The following OPCML variants were observed in gnomAD, a reference collection of about 807,000 sequenced individuals.
The protein encoded by OPCML is opioid binding protein/cell adhesion molecule like, also known as opioid-binding protein/cell adhesion molecule.
A neutral mutation model predicts 37.8 loss-of-function variants in OPCML; 13 were observed. The ratio of observed to expected loss-of-function variants is 0.34; its 90% CI spans 0.22 to 0.55. The LOEUF is 0.55. Ranked by LOEUF, OPCML falls within the 20% of genes least tolerant of loss-of-function variation. The probability of loss-of-function intolerance (pLI) is 0.91; values close to 1 mark genes in which losing one functional copy is unlikely to be tolerated. For synonymous variants in OPCML, 176 were observed against 168.8 expected (o/e 1.04, Z -0.33); for missense variants, 341 against 435.6 (o/e 0.78, Z 1.93).
chr11:132,436,707 G>A lies in OPCML; in HGVS notation c.716C>T (p.Ala239Val), dbSNP rs752741994. 6.2e-7 allele frequency: 1 copy of A among 1,614,056 alleles called. No homozygotes were observed. The highest frequency in any genetic ancestry group is 2.2e-5 in the East Asian group (1 of 44,874). ...GAATTCAGCCATGGGGACTGCAGAG[G>A]CTTCACAGCTCAGGATGCCCTTCTG... ...VGQKGILSCE[A>V]SAVPMAEFQW... Residue 239 changes from alanine (A) to valine (V), a missense_variant, in exon 6 of 8, where the codon GCC (alanine) becomes GTC (valine). Physicochemically the swap from Ala to Val is moderately conservative, Grantham distance 64. Transcript: ENST00000524381.
intron 2 of OPCML, among the ~76,000 whole-genome samples, chr11:132,880,245 A>G (rs1188337661): frequency 6.6e-6 from 1 of 152,000 alleles, no homozygotes; most frequent in Non-Finnish European, 1.5e-5. Flanking sequence ...AAATAATTAA[A>G]ATCTACACAC....
intron 1 of OPCML, among the ~76,000 whole-genome samples, chr11:133,246,488 G>A (rs1940930199): frequency 6.6e-6 from 1 of 152,200 alleles, no homozygotes; most frequent in Non-Finnish European, 1.5e-5. Context: ...GCAAGTTGCA[G>A]GGGGACAGTA....
At chr11:133,002,462 G>A (rs975297187) in intron 1 of OPCML, among the ~76,000 whole-genome samples, 1 of 152,138 alleles carries the variant, frequency 6.6e-6, no homozygotes, top group Non-Finnish European at 1.5e-5. Context: ...CATCCATGTC[G>A]CCCTGAGTAA....
chr11:133,019,875 C>A (rs1232393281), intron 1 of OPCML, among the ~76,000 whole-genome samples: 1 of 152,164 alleles, frequency 6.6e-6, no homozygotes, highest in Non-Finnish European at 1.5e-5. Flanking sequence ...AAGCCCAGGC[C>A]CACGTACCAG....
At chr11:133,501,289 C>T (rs529217927) in intron 1 of OPCML, among the ~76,000 whole-genome samples, 3 of 152,100 alleles carry the variant, frequency 2.0e-5, no homozygotes, top group Non-Finnish European at 2.9e-5. Flanking sequence ...TCCTAGGGAC[C>T]CCCCCACGGT....
At chr11:132,430,841 G>C (rs574446335) in intron 7 of OPCML, among the ~76,000 whole-genome samples, 11 of 152,050 alleles carry the variant, frequency 7.2e-5, no homozygotes, top group African/African-American at 2.7e-4. Context: ...CATTAAGCAC[G>C]TCGCACTCTC....
chr11:132,841,860 C>CAAAAAAAAAAAAAAAAAAAAAA (rs71067402), intron 2 of OPCML, among the ~76,000 whole-genome samples: 1 of 34,684 alleles, frequency 2.9e-5, no homozygotes, highest in Non-Finnish European at 4.8e-5. Context: ...CACTCTATCT[C>CAAAAAAAAAAAAAAAAAAAAAA]AAAAAAAAAA....
At chr11:133,070,454 A>T (rs1414543337) in intron 1 of OPCML, among the ~76,000 whole-genome samples, 2 of 152,106 alleles carry the variant, frequency 1.3e-5, no homozygotes, top group African/African-American at 4.8e-5. Flanking sequence ...ATCGCCTGGG[A>T]GAAAGTGAAT....
intron 3 of OPCML, among the ~76,000 whole-genome samples, chr11:132,651,622 T>G (rs1266847277): frequency 6.6e-6 from 1 of 152,166 alleles, no homozygotes; most frequent in Non-Finnish European, 1.5e-5. Context: ...GAGATAACGT[T>G]TATACTTAGT....
intron 2 of OPCML, among the ~76,000 whole-genome samples, chr11:132,828,714 T>A (rs1940512519): frequency 6.6e-6 from 1 of 152,240 alleles, no homozygotes; most frequent in South Asian, 2.1e-4. Context: ...CGATGTTGGC[T>A]AGAAAAATTC....
chr11:133,066,870 G>C (rs540410950), intron 1 of OPCML: 29 of 152,124 alleles, frequency 1.9e-4, no homozygotes, highest in African/African-American at 7.0e-4. Flanking sequence ...GTGGAGATAG[G>C]GTTTCACAAT....
At chr11:132,669,174 T>G (rs1210601667) in intron 2 of OPCML, among the ~76,000 whole-genome samples, 26 of 152,222 alleles carry the variant, frequency 1.7e-4, no homozygotes, top group African/African-American at 5.1e-4. Flanking sequence ...GTTGTCCTTT[T>G]CTTGGACAGC....
intron 2 of OPCML, among the ~76,000 whole-genome samples, chr11:132,714,007 T>C (rs1286836162): frequency 6.6e-6 from 1 of 151,404 alleles, no homozygotes; most frequent in Non-Finnish European, 1.5e-5. Flanking sequence ...TTATGTTATA[T>C]TCCCAGGACA....
intron 2 of OPCML, among the ~76,000 whole-genome samples, chr11:132,823,321 C>T (rs1940103503): frequency 6.6e-6 from 1 of 152,178 alleles, no homozygotes; most frequent in African/African-American, 2.4e-5. Flanking sequence ...GGGACAACCT[C>T]TTCTTCCCAC....
At chr11:133,431,528 T>C (rs34223992) in intron 1 of OPCML, among the ~76,000 whole-genome samples, 24,725 of 152,038 alleles carry the variant, frequency 0.16, 4,491 homozygotes, top group African/African-American at 0.45. Context: ...GGCAATAGCG[T>C]GATCTCAGCT....
At chr11:133,422,601 G>A (rs1388265130) in intron 1 of OPCML, 3 of 955,188 alleles carry the variant, frequency 3.1e-6, no homozygotes, top group Admixed American at 6.2e-5. Flanking sequence ...AAGCAATCCT[G>A]CTACCGCAGC....
intron 2 of OPCML, among the ~76,000 whole-genome samples, chr11:132,783,889 A>G (rs911804417): frequency 6.6e-5 from 10 of 152,200 alleles, no homozygotes; most frequent in African/African-American, 2.4e-4. Flanking sequence ...TTGGGAATAT[A>G]TTTTAAAAAA....
intron 1 of OPCML, among the ~76,000 whole-genome samples, chr11:133,056,459 T>C (rs1304665788): frequency 6.6e-6 from 1 of 152,232 alleles, no homozygotes; most frequent in African/African-American, 2.4e-5. Flanking sequence ...GTGGAGAGAA[T>C]GTCTCTTTTT....
chr11:133,382,884 C>T (rs577432623), intron 1 of OPCML, among the ~76,000 whole-genome samples: 80 of 152,130 alleles, frequency 5.3e-4, no homozygotes, highest in Non-Finnish European at 1.0e-3. Flanking sequence ...TGTGTTAGCT[C>T]CTAGATAGCT....
Sources: allele counts gnomAD v4.1 joint callset (sites outside exome capture counted in the v4.1 genomes callset), GRCh38; gene constraint gnomAD v4.1.1; transcripts MANE v1.5; gene names NCBI Gene and HGNC (gene_info 2026-07-23, HGNC 2026-07-21).